Variants in PARP4 observed in about 807,000 individuals in gnomAD.
The protein encoded by PARP4 is protein mono-ADP-ribosyltransferase PARP4.
PARP4 carries 120 observed loss-of-function variants against 187.7 expected under a neutral mutation model. The ratio of observed to expected loss-of-function variants is 0.64; its 90% CI spans 0.55 to 0.74. PARP4 has a LOEUF of 0.74. PARP4 is among the 30% of genes least tolerant of loss of function. The pLI is 0.00. For synonymous variants in PARP4, 654 were observed against 740.9 expected (o/e 0.88, Z 1.90); for missense variants, 1,836 against 2,070.5 (o/e 0.89, Z 2.20).
chr13:24,481,625 G>A (rs1256970870), intron 12 of PARP4, among the ~76,000 whole-genome samples: 4 of 152,170 alleles, frequency 2.6e-5, no homozygotes, highest in African/African-American at 9.7e-5. Context: ...CCCAGGAGGC[G>A]GAGGTTGCAG....
chr13:24,445,221 A>G (rs918594251), intron 27 of PARP4, among the ~76,000 whole-genome samples: 1 of 152,110 alleles, frequency 6.6e-6, no homozygotes, highest in Non-Finnish European at 1.5e-5. Context: ...TATAGACCAA[A>G]CATGGAAACT....
intron 33 of PARP4, among the ~76,000 whole-genome samples, chr13:24,423,232 G>A (rs1291038155): frequency 2.0e-5 from 3 of 152,014 alleles, no homozygotes; most frequent in East Asian, 3.9e-4. Flanking sequence ...AGTGGCACTG[G>A]TTTATTTTAA....
At chr13:24,510,704 A>C (rs1437994759) in intron 1 of PARP4, among the ~76,000 whole-genome samples, 1 of 152,236 alleles carries the variant, frequency 6.6e-6, no homozygotes, top group Non-Finnish European at 1.5e-5. Context: ...AACATTTTTT[A>C]GCCTTTTAAA....
intron 24 of PARP4, among the ~76,000 whole-genome samples, chr13:24,450,862 C>T (rs1871480200): frequency 6.6e-6 from 1 of 152,154 alleles, no homozygotes; most frequent in African/African-American, 2.4e-5. Context: ...CCGTCACATG[C>T]CTTACATTTT....
intron 33 of PARP4, among the ~76,000 whole-genome samples, chr13:24,422,810 T>C (rs1593578607): frequency 1.3e-5 from 2 of 152,082 alleles, no homozygotes; most frequent in Non-Finnish European, 2.9e-5. Flanking sequence ...GGTTTCACCA[T>C]CTTGGCCAGG....
intron 32 of PARP4, 80 bp from the exon 33 acceptor site, chr13:24,426,678 G>T (rs1197475260): frequency 2.5e-6 from 3 of 1,208,418 alleles, no homozygotes; most frequent in South Asian, 1.4e-5. Context: ...TCTCATTAAA[G>T]AATTACAATA....
intron 3 of PARP4, among the ~76,000 whole-genome samples, chr13:24,501,307 A>C (rs1351588789): frequency 6.6e-6 from 1 of 152,184 alleles, no homozygotes; most frequent in East Asian, 1.9e-4. Context: ...TGGTCATCAA[A>C]TTTCCAGTCA....
chr13:24,453,972 T>C (rs1319486187), intron 22 of PARP4, among the ~76,000 whole-genome samples: 2 of 151,806 alleles, frequency 1.3e-5, no homozygotes, highest in African/African-American at 2.4e-5. Flanking sequence ...AAAAATTAGC[T>C]GGGTGTGGTG....
intron 10 of PARP4, 142 bp from the exon 11 acceptor site, chr13:24,486,447 G>A (rs991358319): frequency 3.3e-6 from 2 of 602,314 alleles, no homozygotes; most frequent in Non-Finnish European, 2.9e-6. Flanking sequence ...GCATATCTTG[G>A]AAGTATTATG....
chr13:24,446,277 C>T (rs7327591), intron 27 of PARP4, among the ~76,000 whole-genome samples: 7,626 of 152,216 alleles, frequency 0.05, 557 homozygotes, highest in African/African-American at 0.16. Flanking sequence ...GACCAAACTA[C>T]CCCAGATGAA....
chr13:24,424,197 A>G (rs1340049735), intron 33 of PARP4, among the ~76,000 whole-genome samples: 1 of 152,146 alleles, frequency 6.6e-6, no homozygotes, highest in East Asian at 1.9e-4. Context: ...ATAATTATCA[A>G]TATTTCTTTA....
At chr13:24,432,372 C>A (rs1449890759) in intron 31 of PARP4, among the ~76,000 whole-genome samples, 1 of 152,138 alleles carries the variant, frequency 6.6e-6, no homozygotes, top group African/African-American at 2.4e-5. Flanking sequence ...AAAAAACCCA[C>A]TTTATTGAAA....
In PARP4 at chr13:24,435,122, G is replaced by A; in HGVS notation, c.4019C>T (p.Ser1340Phe). The change falls in exon 31 of 34, where the codon TCT (serine) becomes TTT (phenylalanine). Residue 1340 changes from serine (S) to phenylalanine (F), a missense_variant. By Grantham distance (155) the Ser-to-Phe change is radical. This residue lies in a region of PARP4 where 450 missense variants were observed against 439.2 expected (regional missense o/e 1.02). Coordinates refer to ENST00000381989, the MANE Select transcript of PARP4 (RefSeq NM_006437.4). Reference sequence around the variant, plus strand: ...AGCTACCTGACGATATGAGGCAAAAGACAAGGAAGCAGGACTGTGAGCGCG... The same window carrying A: ...AGCTACCTGACGATATGAGGCAAAAAACAAGGAAGCAGGACTGTGAGCGCG... Reference protein sequence around the residue: ...TARAHSPASLSFASYRQVASF... With the variant: ...TARAHSPASLFFASYRQVASF... 1 of 1,614,208 alleles carries A rather than the reference G, an allele frequency of 6.2e-7. No individual in the cohort carries two copies. Among genetic ancestry groups the A allele is most frequent in the Non-Finnish European group, 8.5e-7 (1 of 1,180,040 alleles).
At chr13:24,461,705 T>G (rs1183199676) in intron 17 of PARP4, among the ~76,000 whole-genome samples, 3 of 152,084 alleles carry the variant, frequency 2.0e-5, no homozygotes, top group Non-Finnish European at 4.4e-5. Context: ...AGCAGGTGTG[T>G]GGGAGGTGCT....
intron 12 of PARP4, among the ~76,000 whole-genome samples, chr13:24,483,429 T>C: frequency 8.8e-6 from 1 of 114,248 alleles, no homozygotes; most frequent in Non-Finnish European, 1.8e-5. Flanking sequence ...GAGCTTGCAG[T>C]GAGCCGAGAT....
At chr13:24,468,457 T>A (rs554035230) in intron 17 of PARP4, among the ~76,000 whole-genome samples, 4 of 143,980 alleles carry the variant, frequency 2.8e-5, no homozygotes, top group African/African-American at 1.0e-4. Context: ...CAGGCTGGAG[T>A]GCAATGGCAC....
At chr13:24,480,921 T>G (rs893353990) in intron 12 of PARP4, among the ~76,000 whole-genome samples, 1 of 152,252 alleles carries the variant, frequency 6.6e-6, no homozygotes, top group Admixed American at 6.5e-5. Flanking sequence ...AGATTTTCCA[T>G]GTAGACAAAA....
chr13:24,491,588 C>T (rs1387333094), intron 9 of PARP4, among the ~76,000 whole-genome samples: 6 of 152,192 alleles, frequency 3.9e-5, no homozygotes. Flanking sequence ...CTATAAACTC[C>T]TCTGAAGTCT....
chr13:24,474,156 A>G (rs1169517080), intron 15 of PARP4, among the ~76,000 whole-genome samples: 1 of 151,546 alleles, frequency 6.6e-6, no homozygotes, highest in African/African-American at 2.4e-5. Flanking sequence ...CAGGGCAAAC[A>G]CTCTGCTGTC....
Sources: allele counts gnomAD v4.1 joint callset (sites outside exome capture counted in the v4.1 genomes callset), GRCh38; gene constraint gnomAD v4.1.1; regional missense constraint gnomAD v4.1.1; transcripts MANE v1.5; gene names NCBI Gene and HGNC (gene_info 2026-07-23, HGNC 2026-07-21).